The following GPR139 variants were observed in gnomAD, a reference collection of about 807,000 sequenced individuals.
GPR139 encodes G protein-coupled receptor 139, also known as probable G protein-coupled receptor 139.
Under a neutral mutation model 25.8 loss-of-function variants are expected in GPR139, and 12 were observed. The ratio of observed to expected loss-of-function variants is 0.47; its 90% CI spans 0.30 to 0.75. GPR139 has a LOEUF of 0.75. Among genes scored for constraint, GPR139 ranks in the 30% least tolerant of loss-of-function variants. GPR139 has a pLI of 0.07. For synonymous variants in GPR139, 184 were observed against 179.9 expected (o/e 1.02, Z -0.18); for missense variants, 380 against 450.2 (o/e 0.84, Z 1.41).
At chr16:20,057,613 C>T (rs2057394640) in intron 1 of GPR139, among the ~76,000 whole-genome samples, 1 of 151,766 alleles carries the variant, frequency 6.6e-6, no homozygotes, top group Admixed American at 6.6e-5. Context: ...TCCCTCCATC[C>T]ACTTATAAAT....
In GPR139 at chr16:20,028,510, A is replaced by G. The variant is rs1053855990; in HGVS notation, c.*3225T>C. Among the ~76,000 whole-genome samples the G allele has an allele frequency of 5.9e-5, 9 of 152,182 alleles. No individual in the cohort carries two copies. The highest frequency in any genetic ancestry group is 1.7e-4 in the African/African-American group (7 of 41,430). ...TGCTTTTTTTCTATGGTAACTTTCT[A>G]TTCCATTCTCTGAACTGGAATAGCC... On this transcript the variant is annotated 3_prime_UTR_variant, in exon 2 of 2. Coordinates refer to ENST00000570682, the MANE Select transcript of GPR139 (RefSeq NM_001002911.4).
chr16:20,032,174 T>A lies in GPR139; in HGVS notation c.623A>T (p.Tyr208Phe). 1 of 1,614,152 alleles carries A rather than the reference T, an allele frequency of 6.2e-7. No homozygotes were observed. Among genetic ancestry groups the A allele is most frequent in the Non-Finnish European group, 8.5e-7 (1 of 1,180,024 alleles). ...IFFILNSIIV[Y>F]KLRRKSNFRL... The stretch of plus-strand genomic sequence containing the variant: ...AAAATTGCTCTTCCTCCTGAGCTTG[T>A]ACACAATGATTGAGTTCAAGATGAA... Residue 208 changes from tyrosine (Y) to phenylalanine (F), a missense_variant, in exon 2 of 2, where the codon TAC becomes TTC. Tyr to Phe is a conservative substitution (Grantham distance 22). Transcript: ENST00000570682.
intron 1 of GPR139, among the ~76,000 whole-genome samples, chr16:20,032,951 G>T (rs1355279677): frequency 6.6e-6 from 1 of 151,012 alleles, no homozygotes; most frequent in Non-Finnish European, 1.5e-5. Flanking sequence ...ACACAGCCAT[G>T]AGAGGTGGTG....
chr16:20,064,330 C>G (rs958627326), intron 1 of GPR139, among the ~76,000 whole-genome samples: 6 of 152,128 alleles, frequency 3.9e-5, no homozygotes, highest in African/African-American at 1.4e-4. Context: ...CACTTGAGAC[C>G]AGGAGCTCAA....
At chr16:20,058,087 T>C (rs1425415774) in intron 1 of GPR139, among the ~76,000 whole-genome samples, 4 of 152,206 alleles carry the variant, frequency 2.6e-5, no homozygotes, top group Admixed American at 6.5e-5. Flanking sequence ...GGAACTCTTC[T>C]ATTGGTTAAA....
rs1363307473 is a variant in GPR139 at position 20,032,290 on chromosome 16, G to C, written c.507C>G (p.Ile169Met). 6.2e-7 allele frequency: 1 copy of C among 1,614,200 alleles called. No homozygotes were observed. The highest frequency in any genetic ancestry group is 1.7e-5 in the Admixed American group (1 of 60,030). The change falls in exon 2 of 2, where the codon ATC (isoleucine) becomes ATG (methionine). Residue 169 changes from isoleucine to methionine, a missense_variant. Ile to Met is a conservative substitution (Grantham distance 10, BLOSUM62 1). Coordinates refer to ENST00000570682, the MANE Select transcript of GPR139 (RefSeq NM_001002911.4). ...AGGTGCTGATGTAGTCTTCAGTCCA[G>C]ATGTTGGGCCACCAGTAATAGGGGA... ...TSIPYYWWPN[I>M]WTEDYISTSV...
At chr16:20,061,288 T>C (rs1034004237) in intron 1 of GPR139, among the ~76,000 whole-genome samples, 1 of 151,286 alleles carries the variant, frequency 6.6e-6, no homozygotes, top group Non-Finnish European at 1.5e-5. Flanking sequence ...GACAGATGGA[T>C]GGACAGATGC....
At chr16:20,071,567 C>A (rs1018838234) in intron 1 of GPR139, among the ~76,000 whole-genome samples, 16 of 152,198 alleles carry the variant, frequency 1.1e-4, no homozygotes, top group Admixed American at 7.9e-4. Flanking sequence ...TCAACAACAG[C>A]TAAATCCTAA....
chr16:20,043,901 G>C (rs936409497), intron 1 of GPR139, among the ~76,000 whole-genome samples: 2 of 152,190 alleles, frequency 1.3e-5, no homozygotes, highest in South Asian at 4.1e-4. Flanking sequence ...CTTAAAACCG[G>C]AGACATGCAA....
chr16:20,031,682 C>G lies in GPR139; in HGVS notation c.*53G>C. 7.1e-7 allele frequency: 1 copy of G among 1,415,036 alleles called. No homozygotes were observed. The highest frequency in any genetic ancestry group is 9.9e-7 in the Non-Finnish European group (1 of 1,008,518). The allele number at this position is 1,415,036 out of a possible 1,614,324, so 87.7% of individuals were successfully genotyped here. On this transcript the variant is annotated 3_prime_UTR_variant, in exon 2 of 2. Transcript: ENST00000570682. ...GCTGCTCAGCCATAGGATGGGACACCTTCCCATCTGGAAATGGATTAGACA... is the reference window on the plus strand; with the variant it reads ...GCTGCTCAGCCATAGGATGGGACACGTTCCCATCTGGAAATGGATTAGACA...
At chr16:20,066,552 A>T (rs995826295) in intron 1 of GPR139, among the ~76,000 whole-genome samples, 2 of 152,184 alleles carry the variant, frequency 1.3e-5, no homozygotes, top group Admixed American at 6.5e-5. Context: ...CATGGAAAAG[A>T]CCTATGCACA....
intron 1 of GPR139, among the ~76,000 whole-genome samples, chr16:20,048,858 G>A (rs1463336386): frequency 6.6e-6 from 1 of 152,130 alleles, no homozygotes; most frequent in Non-Finnish European, 1.5e-5. Flanking sequence ...CCCTGCAAAT[G>A]CACCTTGCCA....
Position 20,066,072 on chromosome 16 carries a change from G to T in GPR139, c.127+7418C>A, listed in dbSNP as rs979081511. Among the ~76,000 whole-genome samples the T allele has an allele frequency of 4.6e-5, 7 of 152,212 alleles. 1 individual carries two copies. The highest frequency in any genetic ancestry group is 6.8e-3 in the Middle Eastern group (2 of 294). On this transcript the variant is annotated intron_variant, in intron 1 of 1. Transcript: ENST00000570682. ...AGAGCCACAGCCTTTCAGAAAAACC[G>T]CAGAGAAGCATGATTCTTTGGGTAA...
chr16:20,068,236 CAAAA>C (rs10534277), intron 1 of GPR139, among the ~76,000 whole-genome samples: 7,030 of 108,942 alleles, frequency 0.065, 120 homozygotes, highest in African/African-American at 0.076. Flanking sequence ...CTATTTAATG[CAAAA>C]AAAAAAAAAA....
intron 1 of GPR139, among the ~76,000 whole-genome samples, chr16:20,061,217 GGATGGATGTGTGGA>G (rs1274048728): frequency 1.9e-3 from 275 of 147,206 alleles, no homozygotes; most frequent in Middle Eastern, 0.01. Context: ...ATGGATGGAT[GGATGGATGTGTGGA>G]TGGATGGATG....
rs973585734 is a variant in GPR139 at position 20,060,889 on chromosome 16, T to C, written c.127+12601A>G. ...CCCTCCGTTCCACTCTTTCCTTCCA[T>C]GTCCTTCAGATTTCGATCACTCCTT... On this transcript the variant is annotated intron_variant, in intron 1 of 1. Coordinates refer to ENST00000570682, the MANE Select transcript of GPR139 (RefSeq NM_001002911.4). Among the ~76,000 whole-genome samples, 77 of 152,168 alleles carry C rather than the reference T, an allele frequency of 5.1e-4. 2 individuals carry two copies. The highest frequency in any genetic ancestry group is 3.8e-3 in the Admixed American group (58 of 15,282).
At chr16:20,054,322 A>AATTAAC (rs2057381909) in intron 1 of GPR139, among the ~76,000 whole-genome samples, 1 of 152,240 alleles carries the variant, frequency 6.6e-6, no homozygotes, top group African/African-American at 2.4e-5. Flanking sequence ...CTGCTAGTAA[A>AATTAAC]GAATCCAAAC....
At position 20,032,066 on chromosome 16, in the gene GPR139, C is replaced by CG; in HGVS notation, c.730dup (p.Arg244ProfsTer75). 5.0e-6 allele frequency: 8 copies of CG among 1,614,094 alleles called. No homozygotes were observed. The highest frequency in any genetic ancestry group is 6.8e-6 in the Non-Finnish European group (8 of 1,180,020). On this transcript the variant is annotated frameshift_variant, in exon 2 of 2. Transcript: ENST00000570682. LOFTEE classifies it high-confidence loss of function. ...GAGGTGGTAAAGAATCATGATGATGCGGGGGGCCCAAAGTGTGGCAAAGAT... is the reference window on the plus strand; with the variant it reads ...GAGGTGGTAAAGAATCATGATGATGCGGGGGGGCCCAAAGTGTGGCAAAGAT...
At chr16:20,068,711 A>G (rs1354854788) in intron 1 of GPR139, among the ~76,000 whole-genome samples, 2 of 152,190 alleles carry the variant, frequency 1.3e-5, no homozygotes, top group Non-Finnish European at 2.9e-5. Context: ...AAAAGCATTC[A>G]GTTTTTTCAT....
Sources: gnomAD v4.1 joint callset for allele counts (sites outside exome capture counted in the v4.1 genomes callset) on GRCh38, gnomAD v4.1.1 for gene constraint, MANE v1.5 for transcripts, NCBI Gene and HGNC (gene_info 2026-07-23, HGNC 2026-07-21) for gene names.